SUSD4: variants seen among roughly 807,000 people sequenced by gnomAD.
The protein encoded by SUSD4 is sushi domain-containing protein 4.
In SUSD4, 41 loss-of-function variants were observed where a neutral mutation model predicts 50.5. The ratio of observed to expected loss-of-function variants is 0.81; its 90% CI spans 0.63 to 1.05. The LOEUF is 1.05. Among genes scored for constraint, SUSD4 ranks in the 50% least tolerant of loss-of-function variants. SUSD4 has a pLI of 0.00. For synonymous variants in SUSD4, 257 were observed against 257.3 expected (o/e 1.00, Z 0.01); for missense variants, 580 against 634.7 (o/e 0.91, Z 0.93).
At position 223,264,618 on chromosome 1, in the gene SUSD4, G is replaced by A. The variant is rs368804593; in HGVS notation, c.724+12C>T. 5 of 1,612,728 alleles carry A rather than the reference G, an allele frequency of 3.1e-6. No individual in the cohort carries two copies. The highest frequency in any genetic ancestry group is 4.2e-6 in the Non-Finnish European group (5 of 1,179,188). The stretch of plus-strand genomic sequence containing the variant: ...TACAAAATACAACTTCCGAAAGAAT[G>A]AGATGTGTTACCTTCCAGAGCAAGG... On this transcript the variant is annotated intron_variant, in intron 5 of 8. Coordinates refer to ENST00000366878, the MANE Select transcript of SUSD4 (RefSeq NM_017982.4).
intron 2 of SUSD4, among the ~76,000 whole-genome samples, chr1:223,349,712 T>A (rs984733802): frequency 5.3e-5 from 8 of 152,308 alleles, no homozygotes; most frequent in South Asian, 4.1e-4. Flanking sequence ...TTCACCTAAT[T>A]GCCACTTCCT....
intron 3 of SUSD4, among the ~76,000 whole-genome samples, chr1:223,286,367 G>A (rs973852984): frequency 1.3e-5 from 2 of 152,046 alleles, no homozygotes; most frequent in East Asian, 1.9e-4. Flanking sequence ...CACCTGCCTC[G>A]GCCTCCCAAA....
chr1:223,277,036 A>G (rs1230499210), intron 3 of SUSD4, among the ~76,000 whole-genome samples: 2 of 152,208 alleles, frequency 1.3e-5, no homozygotes, highest in African/African-American at 4.8e-5. Flanking sequence ...CGCTTTTGAA[A>G]AATGCCTGCA....
intron 2 of SUSD4, among the ~76,000 whole-genome samples, chr1:223,331,503 G>T (rs941979210): frequency 8.5e-5 from 13 of 152,304 alleles, no homozygotes; most frequent in Middle Eastern, 6.8e-3. Flanking sequence ...ACAACTAAAA[G>T]GGCCTCCAAA....
chr1:223,252,230 A>ATATATATAT (rs1553285623), intron 5 of SUSD4, among the ~76,000 whole-genome samples: 35 of 64,676 alleles, frequency 5.4e-4, no homozygotes, highest in African/African-American at 1.6e-3. Flanking sequence ...AAAAAAAAAA[A>ATATATATAT]AAAAAAATAT....
chr1:223,286,365 T>C (rs1664140271), intron 3 of SUSD4, among the ~76,000 whole-genome samples: 1 of 152,228 alleles, frequency 6.6e-6, no homozygotes, highest in Non-Finnish European at 1.5e-5. Flanking sequence ...TCCACCTGCC[T>C]CGGCCTCCCA....
At chr1:223,238,240 GCTTA>G (rs1660349516) in intron 5 of SUSD4, among the ~76,000 whole-genome samples, 1 of 151,710 alleles carries the variant, frequency 6.6e-6, no homozygotes, top group African/African-American at 2.4e-5. Context: ...TTCTCTTTTT[GCTTA>G]GTTAGCCTGG....
intron 5 of SUSD4, chr1:223,235,116 G>A (rs769137678): frequency 6.3e-6 from 10 of 1,584,288 alleles, no homozygotes; most frequent in Admixed American, 3.9e-5. Flanking sequence ...AAAAAGAAGT[G>A]TAAATATGAA....
At chr1:223,306,122 C>T (rs1428949486) in intron 2 of SUSD4, among the ~76,000 whole-genome samples, 1 of 152,094 alleles carries the variant, frequency 6.6e-6, no homozygotes, top group Non-Finnish European at 1.5e-5. Flanking sequence ...CATTTGATGC[C>T]AGAACTGATA....
At chr1:223,326,050 C>T (rs2103259154) in intron 2 of SUSD4, among the ~76,000 whole-genome samples, 1 of 152,092 alleles carries the variant, frequency 6.6e-6, no homozygotes, top group Middle Eastern at 3.4e-3. Flanking sequence ...CAAAAAAGAG[C>T]CCAGCATAAA....
intron 3 of SUSD4, among the ~76,000 whole-genome samples, chr1:223,281,404 A>G (rs962768547): frequency 3.9e-5 from 6 of 152,326 alleles, no homozygotes; most frequent in African/African-American, 1.4e-4. Flanking sequence ...GATAAAGGGG[A>G]TATCACCACC....
At chr1:223,318,618 G>C (rs1379775666) in intron 2 of SUSD4, among the ~76,000 whole-genome samples, 1 of 143,918 alleles carries the variant, frequency 6.9e-6, no homozygotes, top group Non-Finnish European at 1.5e-5. Flanking sequence ...GTGATGATGA[G>C]CATTTCTTCA....
chr1:223,329,606 T>C (rs1267360453), intron 2 of SUSD4, among the ~76,000 whole-genome samples: 3 of 152,216 alleles, frequency 2.0e-5, no homozygotes, highest in African/African-American at 7.2e-5. Flanking sequence ...ATCCCTAAAG[T>C]TCTTACTTCT....
intron 2 of SUSD4, among the ~76,000 whole-genome samples, chr1:223,313,519 T>G (rs1348628600): frequency 1.3e-5 from 2 of 152,178 alleles, no homozygotes; most frequent in Non-Finnish European, 2.9e-5. Context: ...TGAGTTGTTC[T>G]AGTAAATTAT....
At chr1:223,355,542 A>G (rs1262496459) in intron 2 of SUSD4, among the ~76,000 whole-genome samples, 1 of 152,224 alleles carries the variant, frequency 6.6e-6, no homozygotes, top group South Asian at 2.1e-4. Flanking sequence ...TCTTAAAAAG[A>G]ATCTCCCTCC....
intron 5 of SUSD4, among the ~76,000 whole-genome samples, chr1:223,237,890 C>G (rs1453082827): frequency 6.6e-6 from 1 of 152,014 alleles, no homozygotes. Context: ...CCTTCTGCTT[C>G]TATCCTCCAA....
Position 223,229,324 on chromosome 1 carries a change from G to A in SUSD4, c.789C>T (p.Arg263=), listed in dbSNP as rs761683509. The change falls in exon 6 of 9, where the codon CGC becomes CGT. Residue 263 remains arginine (R), a synonymous_variant. Transcript: ENST00000366878. The surrounding 1 kb of genome is among the most constrained non-coding windows in gnomAD (Gnocchi z 4.7). ...DFVCHPRPCE[R]YNHGTVVEFY... is the part of the protein sequence containing the mutation. ...ACTCCACCACAGTTCCGTGGTTGTA[G>A]CGCTCACAAGGCCGCGGGTGGCAGA... 2.1e-5 allele frequency: 34 copies of A among 1,610,776 alleles called. No individual in the cohort carries two copies. Among genetic ancestry groups the A allele is most frequent in the Admixed American group, 3.3e-5 (2 of 59,978 alleles).
chr1:223,264,282 GT>G (rs1484238786), intron 5 of SUSD4: 1 of 1,013,500 alleles, frequency 9.9e-7, no homozygotes, highest in Non-Finnish European at 1.2e-6. Flanking sequence ...AAAACGAGGG[GT>G]AAGATTAATG....
At chr1:223,260,602 G>T (rs712858) in intron 5 of SUSD4, among the ~76,000 whole-genome samples, 3 of 151,946 alleles carry the variant, frequency 2.0e-5, no homozygotes, top group Admixed American at 1.3e-4. Flanking sequence ...CAGGGATGCA[G>T]GAAGCTCCTT....
Sources: gnomAD v4.1 joint callset for allele counts (sites outside exome capture counted in the v4.1 genomes callset) on GRCh38, gnomAD v4.1.1 for gene constraint, Gnocchi (gnomAD v3.1) non-coding constraint, MANE v1.5 for transcripts, NCBI Gene and HGNC (gene_info 2026-07-23, HGNC 2026-07-21) for gene names.